The following NEDD4 variants were observed in gnomAD, a reference collection of about 807,000 sequenced individuals.
NEDD4 encodes E3 ubiquitin-protein ligase NEDD4.
In NEDD4, 99 loss-of-function variants were observed where a neutral mutation model predicts 144.9. The observed-to-expected ratio is 0.68, with a 90% CI of 0.58 to 0.81. NEDD4 has a LOEUF of 0.81. Among genes scored for constraint, NEDD4 ranks in the 30% least tolerant of loss-of-function variants. NEDD4 has a pLI of 0.00. For synonymous variants in NEDD4, 318 were observed against 350.6 expected, an observed-to-expected ratio of 0.91 and a Z score of 1.04; for missense variants, 985 against 1,065.9, an observed-to-expected ratio of 0.92 and a Z score of 1.06.
intron 4 of NEDD4, among the ~76,000 whole-genome samples, chr15:55,943,011 T>C (rs1042503493): frequency 1.3e-5 from 2 of 152,212 alleles, no homozygotes; most frequent in Non-Finnish European, 2.9e-5. Flanking sequence ...ACTGGCAGCA[T>C]TGTGCCCCTG....
intron 5 of NEDD4, among the ~76,000 whole-genome samples, chr15:55,922,303 G>C (rs148008436): frequency 1.3e-5 from 2 of 152,062 alleles, no homozygotes; most frequent in Non-Finnish European, 2.9e-5. Flanking sequence ...GCATATCAGA[G>C]GAATGTCTAT....
At position 55,860,733 on chromosome 15, in the gene NEDD4, T is replaced by C; in HGVS notation, c.720A>G (p.Ala240=). The C allele has an allele frequency of 6.2e-7, 1 of 1,614,226 alleles. No homozygotes were observed. Among genetic ancestry groups the C allele is most frequent in the Non-Finnish European group, 8.5e-7 (1 of 1,180,018 alleles). ...DAENGNIQLQ[A]QRAFTTRRQI... ...GCCGCCTGGTGGTAAATGCACGTTG[T>C]GCTTGCAGTTGAATGTTGCCATTCT... Residue 240 remains alanine, a synonymous_variant, in exon 10 of 29, where the codon GCA becomes GCG. Coordinates refer to ENST00000435532, the MANE Select transcript of NEDD4 (RefSeq NM_006154.4).
intron 17 of NEDD4, among the ~76,000 whole-genome samples, chr15:55,848,004 G>C (rs2033819944): frequency 6.6e-6 from 1 of 152,080 alleles, no homozygotes; most frequent in South Asian, 2.1e-4. Flanking sequence ...GAATGACCCT[G>C]GAGTGGATAG....
At chr15:55,960,113 C>T (rs1311444535) in intron 2 of NEDD4, among the ~76,000 whole-genome samples, 3 of 152,204 alleles carry the variant, frequency 2.0e-5, no homozygotes, top group African/African-American at 7.2e-5. Flanking sequence ...ACTTGACTTG[C>T]TCCACTGACC....
intron 5 of NEDD4, chr15:55,915,420 C>T: frequency 1.2e-6 from 2 of 1,613,836 alleles, no homozygotes; most frequent in Non-Finnish European, 1.7e-6. Context: ...GTGCTTAAGG[C>T]TGGATAGACA....
intron 18 of NEDD4, among the ~76,000 whole-genome samples, 177 bp from the exon 19 acceptor site, chr15:55,842,340 G>A (rs1469391895): frequency 6.6e-6 from 1 of 152,144 alleles, no homozygotes; most frequent in African/African-American, 2.4e-5. Context: ...TATGGTATGA[G>A]ACAGTTTCTG....
At chr15:55,914,752 G>A (rs894514985) in intron 5 of NEDD4, among the ~76,000 whole-genome samples, 1 of 151,898 alleles carries the variant, frequency 6.6e-6, no homozygotes, top group Non-Finnish European at 1.5e-5. Flanking sequence ...ACATGTATTT[G>A]AGATATAGTT....
At chr15:55,959,806 C>A (rs1387673164) in intron 2 of NEDD4, among the ~76,000 whole-genome samples, 1 of 152,140 alleles carries the variant, frequency 6.6e-6, no homozygotes, top group African/African-American at 2.4e-5. Flanking sequence ...CTGAATGCCA[C>A]CAGCAACCAC....
intron 4 of NEDD4, among the ~76,000 whole-genome samples, chr15:55,928,885 G>A (rs1464279925): frequency 6.6e-6 from 1 of 152,180 alleles, no homozygotes; most frequent in East Asian, 1.9e-4. Flanking sequence ...CAAAAATATA[G>A]TTTAAAATGT....
intron 4 of NEDD4, among the ~76,000 whole-genome samples, chr15:55,928,928 C>T (rs2036727793): frequency 6.6e-6 from 1 of 152,092 alleles, no homozygotes; most frequent in Non-Finnish European, 1.5e-5. Context: ...ATTAAAAATA[C>T]TAATTAAAAC....
In NEDD4 at chr15:55,985,760, TACACACACAC is replaced by T. The variant is rs3049246; in HGVS notation, c.45+7741_45+7750del. On this transcript the variant is annotated intron_variant, in intron 1 of 28. Coordinates refer to ENST00000435532, the MANE Select transcript of NEDD4 (RefSeq NM_006154.4). Reference sequence around the variant, plus strand: ...CTTATATATGTGTGTAGAGTACACATACACACACACACACACACACACACACACGCTTAAC... The same window carrying T: ...CTTATATATGTGTGTAGAGTACACATACACACACACACACACACGCTTAAC... Among the ~76,000 whole-genome samples, 4 of 148,326 alleles carry T rather than the reference TACACACACAC, an allele frequency of 2.7e-5. No homozygotes were observed. The South Asian group carries it at 6.5e-4, about 24-fold the overall frequency.
intron 18 of NEDD4, among the ~76,000 whole-genome samples, chr15:55,843,111 A>C (rs1217969064): frequency 9.9e-5 from 15 of 152,162 alleles, no homozygotes; most frequent in Non-Finnish European, 2.2e-4. Context: ...TCCATGTAAG[A>C]TGTGACTTGC....
chr15:55,920,609 G>A (rs147946627), intron 5 of NEDD4, among the ~76,000 whole-genome samples: 21 of 152,224 alleles, frequency 1.4e-4, no homozygotes, highest in South Asian at 2.1e-4. Context: ...CATTACAAAC[G>A]TTTTCCAGAT....
At chr15:55,915,330 CTT>C in intron 5 of NEDD4, 1 of 1,609,800 alleles carries the variant, frequency 6.2e-7, no homozygotes, top group Non-Finnish European at 8.5e-7. Context: ...GTTGCTGTCT[CTT>C]GATAAATTAT....
At chr15:55,961,466 T>C (rs2037425296) in intron 2 of NEDD4, among the ~76,000 whole-genome samples, 1 of 114,086 alleles carries the variant, frequency 8.8e-6, no homozygotes. Flanking sequence ...AAGTTTGTGG[T>C]ATTATTATTA....
intron 6 of NEDD4, among the ~76,000 whole-genome samples, chr15:55,873,582 T>C (rs1438494580): frequency 6.6e-6 from 1 of 152,214 alleles, no homozygotes; most frequent in East Asian, 1.9e-4. Flanking sequence ...CTCCTTGCTA[T>C]ATTCTTAGTC....
Position 55,833,003 on chromosome 15 carries a change from C to T in NEDD4, c.2527+5G>A. ...TTTTTTTAATGATCTATGGAAAATC[C>T]TTACCGTATAGTTCAGCAAATCCAT... On this transcript the variant is annotated splice_donor_5th_base_variant and intron_variant, in intron 27 of 28. Coordinates refer to ENST00000435532, the MANE Select transcript of NEDD4 (RefSeq NM_006154.4). The T allele has an allele frequency of 6.3e-7, 1 of 1,593,652 alleles. No individual in the cohort carries two copies.
chr15:55,845,090 T>C (rs1489297879), intron 18 of NEDD4, among the ~76,000 whole-genome samples: 5 of 152,206 alleles, frequency 3.3e-5, no homozygotes, highest in Non-Finnish European at 5.9e-5. Context: ...GCTTGGGCCT[T>C]TTTACTAATG....
At chr15:55,948,175 A>G (rs1248824745) in intron 4 of NEDD4, among the ~76,000 whole-genome samples, 1 of 152,224 alleles carries the variant, frequency 6.6e-6, no homozygotes, top group African/African-American at 2.4e-5. Flanking sequence ...ACAGAGAGCC[A>G]AATCATGAGT....
Sources: allele counts gnomAD v4.1 joint callset (sites outside exome capture counted in the v4.1 genomes callset), GRCh38; gene constraint gnomAD v4.1.1; transcripts MANE v1.5; gene names NCBI Gene and HGNC (gene_info 2026-07-23, HGNC 2026-07-21).